The following PAPOLA variants were observed in gnomAD, a reference collection of about 807,000 sequenced individuals.
The protein encoded by PAPOLA is polynucleotide adenylyltransferase alpha.
In PAPOLA, 15 loss-of-function variants were observed where a neutral mutation model predicts 100.6. That is an observed-to-expected ratio of 0.15 (90% CI 0.10 to 0.23). The LOEUF (loss-of-function observed/expected upper bound fraction) is 0.23. Ranked by LOEUF, PAPOLA falls within the 10% of genes least tolerant of loss-of-function variation. The pLI is 1.00. For synonymous variants in PAPOLA, 293 were observed against 300.0 expected, an observed-to-expected ratio of 0.98 and a Z score of 0.24; for missense variants, 533 against 884.2, an observed-to-expected ratio of 0.60 and a Z score of 5.04.
At chr14:96,513,066 G>GT (rs1447462426) in intron 1 of PAPOLA, among the ~76,000 whole-genome samples, 6 of 152,108 alleles carry the variant, frequency 3.9e-5, no homozygotes, top group Non-Finnish European at 7.4e-5. Context: ...TTTATTGTTT[G>GT]TTTTTTGCTT....
In PAPOLA at chr14:96,503,366, G is replaced by A. The variant is rs889515228; in HGVS notation, c.8+766G>A. Among the ~76,000 whole-genome samples the A allele has an allele frequency of 2.1e-4, 32 of 151,262 alleles. 1 individual carries two copies. Among genetic ancestry groups the A allele is most frequent in the Admixed American group, 2.0e-3 (31 of 15,196 alleles). On this transcript the variant is annotated intron_variant, in intron 1 of 21. Transcript: ENST00000216277. Reference sequence around the variant, plus strand: ...TCTCTGGTGATACTTTTTTTTTCCTGGTTGTAAGGCTTGAAGCTAGTCTCT... The same window carrying A: ...TCTCTGGTGATACTTTTTTTTTCCTAGTTGTAAGGCTTGAAGCTAGTCTCT...
chr14:96,538,929 A>G (rs1899753581), intron 12 of PAPOLA, among the ~76,000 whole-genome samples: 1 of 152,120 alleles, frequency 6.6e-6, no homozygotes, highest in Admixed American at 6.5e-5. Context: ...ATCATGTGAA[A>G]TATACCTGAC....
At chr14:96,532,008 T>C (rs1351539307) in intron 7 of PAPOLA, 5 of 1,238,436 alleles carry the variant, frequency 4.0e-6, no homozygotes, top group South Asian at 2.4e-5. Flanking sequence ...TTGGAAACTT[T>C]AGTGGATTAA....
In PAPOLA at chr14:96,560,594, G is replaced by A. The variant is rs911295771; in HGVS notation, c.2005-55G>A. On this transcript the variant is annotated intron_variant, in intron 19 of 21. Transcript: ENST00000216277. ...AGTTTATAAAGTAAAGCATTGATTG[G>A]CAAATAATCTAAATTTTTCATTTTA... 6.0e-6 allele frequency: 7 copies of A among 1,163,744 alleles called. No homozygotes were observed. In the African/African-American group the frequency reaches 9.2e-5, roughly 15 times the overall value. 72.1% of individuals were successfully genotyped at this position (1,163,744 alleles called of 1,614,324 possible). A position where few individuals can be genotyped will look rare whatever the true frequency, so the allele number is the denominator to read the frequency against.
At chr14:96,505,477 G>A (rs992155191) in intron 1 of PAPOLA, among the ~76,000 whole-genome samples, 1 of 152,188 alleles carries the variant, frequency 6.6e-6, no homozygotes, top group Non-Finnish European at 1.5e-5. Flanking sequence ...GTGTGAAGGA[G>A]AGTAACCAGT....
chr14:96,542,636 C>G (rs1355873239), intron 13 of PAPOLA, 138 bp from the exon 14 acceptor site: 46 of 767,370 alleles, frequency 6.0e-5, no homozygotes, highest in Non-Finnish European at 9.3e-5. Context: ...CGTTGTTTGG[C>G]AATTTTGGGT....
intron 1 of PAPOLA, among the ~76,000 whole-genome samples, chr14:96,516,388 T>C (rs1048979507): frequency 2.0e-5 from 3 of 150,694 alleles, no homozygotes; most frequent in East Asian, 1.9e-4. Flanking sequence ...CTTTCTTCCT[T>C]CCTCCCTCCC....
chr14:96,502,480 C>A lies in PAPOLA; in HGVS notation c.-113C>A. On this transcript the variant is annotated 5_prime_UTR_variant, in exon 1 of 22. Coordinates refer to ENST00000216277, the MANE Select transcript of PAPOLA (RefSeq NM_032632.5). The stretch of plus-strand genomic sequence containing the variant: ...GGAGCGGTGCGGGAGAGGGGTTGGA[C>A]CCAGGGCTGAGGCAGGCCCCCCCCT... 2 of 817,326 alleles carry A rather than the reference C, an allele frequency of 2.4e-6. No homozygotes were observed. The highest frequency in any genetic ancestry group is 4.0e-6 in the Non-Finnish European group (2 of 497,626). The allele number at this position is 817,326 out of a possible 1,614,324, so 50.6% of individuals were successfully genotyped here. A position where few individuals can be genotyped will look rare whatever the true frequency, so the allele number is the denominator to read the frequency against.
chr14:96,541,462 G>A (rs565364391), intron 12 of PAPOLA, among the ~76,000 whole-genome samples: 1 of 152,270 alleles, frequency 6.6e-6, no homozygotes, highest in Admixed American at 6.5e-5. Flanking sequence ...AATGGGTACT[G>A]TAGAAGAGTA....
intron 5 of PAPOLA, 62 bp from the exon 6 acceptor site, chr14:96,527,891 A>G: frequency 8.6e-7 from 1 of 1,159,476 alleles, no homozygotes; most frequent in East Asian, 2.3e-5. Flanking sequence ...CTAAAGTACT[A>G]AAACTAGTAG....
chr14:96,542,296 G>T lies in PAPOLA; in HGVS notation c.1169G>T (p.Trp390Leu). 1.3e-6 allele frequency: 2 copies of T among 1,583,168 alleles called. No homozygotes were observed. Among genetic ancestry groups the T allele is most frequent in the South Asian group, 2.2e-5 (2 of 90,388 alleles). ...SAPTEKQRLE[W>L]VGLVESKIRI... Reference sequence around the variant, plus strand: ...CCAACAGAAAAACAACGCCTGGAATGGTGAGTATAAGAATAGACTTTACAG... The same window carrying T: ...CCAACAGAAAAACAACGCCTGGAATTGTGAGTATAAGAATAGACTTTACAG... The change falls in exon 13 of 22, where the codon TGG (tryptophan) becomes TTG (leucine). Residue 390 changes from tryptophan (W) to leucine (L), a missense_variant and splice_region_variant. Physicochemically the swap from Trp to Leu is moderately conservative, Grantham distance 61. This residue lies in a region of PAPOLA where 87 missense variants were observed against 173.3 expected (regional missense o/e 0.50). Transcript: ENST00000216277.
chr14:96,536,191 A>G (rs987175541), intron 11 of PAPOLA, among the ~76,000 whole-genome samples, 192 bp downstream of exon 11: 1 of 152,162 alleles, frequency 6.6e-6, no homozygotes, highest in African/African-American at 2.4e-5. Context: ...TTTGTTTTTT[A>G]TAACAAGTTG....
intron 9 of PAPOLA, chr14:96,534,076 C>A: frequency 2.0e-6 from 2 of 992,988 alleles, no homozygotes; most frequent in African/African-American, 1.7e-5. Context: ...TATTCATACC[C>A]CTTTGCCTGT....
Position 96,546,576 on chromosome 14 carries a change from A to G in PAPOLA, c.1400-1221A>G, listed in dbSNP as rs1900411744. On this transcript the variant is annotated intron_variant, in intron 15 of 21. Coordinates refer to ENST00000216277, the MANE Select transcript of PAPOLA (RefSeq NM_032632.5). ...TGTAAGTTTTGGAGCCAGAAGGGTA[A>G]TAAAGTTAGTAAGTAATATACCCAG... Among the ~76,000 whole-genome samples the G allele has an allele frequency of 2.6e-5, 4 of 152,110 alleles. No homozygotes were observed. The South Asian group carries it at 8.3e-4, about 31-fold the overall frequency.
chr14:96,557,678 G>C (rs754269763), intron 19 of PAPOLA, among the ~76,000 whole-genome samples: 2 of 146,930 alleles, frequency 1.4e-5, no homozygotes, highest in Admixed American at 1.4e-4. Flanking sequence ...ATTATGTTTT[G>C]ATTAAGAATG....
At chr14:96,510,772 TACAC>T (rs1319055815) in intron 1 of PAPOLA, among the ~76,000 whole-genome samples, 1 of 152,238 alleles carries the variant, frequency 6.6e-6, no homozygotes, top group Non-Finnish European at 1.5e-5. Flanking sequence ...TAGTACCACT[TACAC>T]AGAACACCTT....
chr14:96,547,328 A>C (rs1389312815), intron 15 of PAPOLA, among the ~76,000 whole-genome samples: 1 of 152,108 alleles, frequency 6.6e-6, no homozygotes, highest in African/African-American at 2.4e-5. Context: ...TTATTACTAT[A>C]TTAGAAAGTA....
At chr14:96,559,065 C>A (rs1179914307) in intron 19 of PAPOLA, among the ~76,000 whole-genome samples, 2 of 149,942 alleles carry the variant, frequency 1.3e-5, no homozygotes, top group Non-Finnish European at 3.0e-5. Context: ...ATTTTGCTTA[C>A]AGTATTTCTA....
rs372971672 is a variant in PAPOLA, at chr14:96,502,556, G to T, written c.-37G>T. ...CAGGGCGGCAGCGGCGGCGGTTGCG[G>T]GGGGGAAGTGACTGGGCGGTGCCGG... is the stretch of plus-strand genomic sequence containing the variant. On this transcript the variant is annotated 5_prime_UTR_variant, in exon 1 of 22. Transcript: ENST00000216277. 4.6e-6 allele frequency: 7 copies of T among 1,529,822 alleles called. No individual in the cohort carries two copies. Among genetic ancestry groups the T allele is most frequent in the East Asian group, 2.4e-5 (1 of 41,102 alleles). The allele number at this position is 1,529,822 out of a possible 1,614,324, so 94.8% of individuals were successfully genotyped here.
Sources: gnomAD v4.1 joint callset for allele counts (sites outside exome capture counted in the v4.1 genomes callset) on GRCh38, gnomAD v4.1.1 for gene constraint, gnomAD v4.1.1 regional missense constraint, MANE v1.5 for transcripts, NCBI Gene and HGNC (gene_info 2026-07-23, HGNC 2026-07-21) for gene names.